ANKS1B: variants seen among roughly 807,000 people sequenced by gnomAD.
ANKS1B encodes the protein ankyrin repeat and sterile alpha motif domain containing 1B, also known as ankyrin repeat and sterile alpha motif domain-containing protein 1B.
Under a neutral mutation model 148.3 loss-of-function variants are expected in ANKS1B, and 36 were observed. That is an observed-to-expected ratio of 0.24 (90% CI 0.19 to 0.32). ANKS1B has a LOEUF of 0.32. Among genes scored for constraint, ANKS1B ranks in the 10% least tolerant of loss-of-function variants. The pLI, the probability that ANKS1B is intolerant of heterozygous loss-of-function variation, is 1.00. For synonymous variants in ANKS1B, 542 were observed against 560.8 expected (o/e 0.97, Z 0.47); for missense variants, 1,157 against 1,542.6 (o/e 0.75, Z 4.19).
At chr12:99,754,919 T>A (rs1232242525) in intron 8 of ANKS1B, among the ~76,000 whole-genome samples, 3 of 151,976 alleles carry the variant, frequency 2.0e-5, no homozygotes, top group Non-Finnish European at 4.4e-5. Context: ...GTTAACAACC[T>A]AACATCACAA....
intron 8 of ANKS1B, among the ~76,000 whole-genome samples, chr12:99,757,777 C>T (rs1601552005): frequency 6.6e-6 from 1 of 152,130 alleles, no homozygotes; most frequent in Middle Eastern, 3.4e-3. Context: ...AGAATGAGAT[C>T]ATGCCCTTTC....
intron 17 of ANKS1B, among the ~76,000 whole-genome samples, chr12:98,867,433 T>C (rs199815420): frequency 6.6e-6 from 1 of 152,202 alleles, no homozygotes. Context: ...GTAATGGTAA[T>C]ATCCTACAGA....
At chr12:98,824,582 C>CA (rs892317028) in intron 19 of ANKS1B, among the ~76,000 whole-genome samples, 2 of 152,210 alleles carry the variant, frequency 1.3e-5, no homozygotes, top group African/African-American at 2.4e-5. Context: ...ATTTTAAAGA[C>CA]AAAAAAATTG....
chr12:99,112,606 C>A (rs572112531), intron 15 of ANKS1B, among the ~76,000 whole-genome samples: 1 of 152,122 alleles, frequency 6.6e-6, no homozygotes, highest in South Asian at 2.1e-4. Flanking sequence ...TGTTATGTAT[C>A]AGGTACTGTA....
At chr12:99,931,948 T>C (rs936314475) in intron 1 of ANKS1B, among the ~76,000 whole-genome samples, 2 of 152,108 alleles carry the variant, frequency 1.3e-5, no homozygotes, top group African/African-American at 4.8e-5. Flanking sequence ...CTGGTAACCA[T>C]CATCCTACTC....
intron 12 of ANKS1B, among the ~76,000 whole-genome samples, chr12:99,253,932 G>C (rs1022485086): frequency 6.6e-6 from 1 of 152,086 alleles, no homozygotes; most frequent in Non-Finnish European, 1.5e-5. Flanking sequence ...AATTATATAG[G>C]AATATCAGAA....
intron 17 of ANKS1B, among the ~76,000 whole-genome samples, chr12:98,955,554 T>A (rs965836034): frequency 6.6e-6 from 1 of 152,146 alleles, no homozygotes; most frequent in Non-Finnish European, 1.5e-5. Context: ...CAGGAGATGG[T>A]GGTGGCTTAG....
At chr12:99,908,562 C>T (rs1178813998) in intron 1 of ANKS1B, among the ~76,000 whole-genome samples, 1 of 152,066 alleles carries the variant, frequency 6.6e-6, no homozygotes, top group Non-Finnish European at 1.5e-5. Context: ...GCCTGAGCGA[C>T]AGAAAGAAAC....
chr12:99,737,324 G>T (rs1241574669), intron 8 of ANKS1B, among the ~76,000 whole-genome samples: 2 of 152,062 alleles, frequency 1.3e-5, no homozygotes, highest in Admixed American at 1.3e-4. Flanking sequence ...AGAAAATGTG[G>T]TATATATACA....
At chr12:98,995,162 T>C (rs2099928768) in intron 17 of ANKS1B, among the ~76,000 whole-genome samples, 2 of 152,220 alleles carry the variant, frequency 1.3e-5, no homozygotes, top group Admixed American at 1.3e-4. Flanking sequence ...ACCTTTACTA[T>C]TTTGATAATG....
chr12:99,363,931 T>A (rs2092626094), intron 12 of ANKS1B, among the ~76,000 whole-genome samples: 1 of 152,266 alleles, frequency 6.6e-6, no homozygotes, highest in Non-Finnish European at 1.5e-5. Context: ...TGGAGGGGAC[T>A]TGTATATATA....
intron 8 of ANKS1B, among the ~76,000 whole-genome samples, chr12:99,722,186 C>T (rs912156092): frequency 5.3e-5 from 8 of 152,174 alleles, no homozygotes; most frequent in African/African-American, 1.9e-4. Flanking sequence ...CCAGAAGATC[C>T]AGCTAAATTG....
chr12:99,580,853 C>T (rs80123751), intron 9 of ANKS1B, among the ~76,000 whole-genome samples: 171 of 152,106 alleles, frequency 1.1e-3, no homozygotes, highest in African/African-American at 3.9e-3. Context: ...GCCACATGTA[C>T]CCCACAAATA....
At chr12:99,369,071 T>G (rs980800966) in intron 12 of ANKS1B, among the ~76,000 whole-genome samples, 2 of 152,150 alleles carry the variant, frequency 1.3e-5, no homozygotes, top group African/African-American at 4.8e-5. Flanking sequence ...ACAGTTTACT[T>G]GCTAATTGCA....
intron 20 of ANKS1B, among the ~76,000 whole-genome samples, chr12:98,806,065 T>C (rs2099048837): frequency 6.6e-6 from 1 of 152,174 alleles, no homozygotes; most frequent in African/African-American, 2.4e-5. Context: ...AGAAACAGGG[T>C]TTCACCATGT....
intron 11 of ANKS1B, among the ~76,000 whole-genome samples, chr12:99,439,255 T>G (rs1185707770): frequency 6.6e-6 from 1 of 151,696 alleles, no homozygotes. Context: ...ATTTACAACC[T>G]GGGACAAGTC....
At chr12:99,216,291 C>T (rs2153928877) in intron 14 of ANKS1B, among the ~76,000 whole-genome samples, 1 of 152,262 alleles carries the variant, frequency 6.6e-6, no homozygotes, top group South Asian at 2.1e-4. Flanking sequence ...TCAGGTATTT[C>T]TTCATAGCAG....
chr12:98,850,220 A>G (rs1253249917), intron 17 of ANKS1B, among the ~76,000 whole-genome samples: 1 of 152,220 alleles, frequency 6.6e-6, no homozygotes, highest in Non-Finnish European at 1.5e-5. Context: ...CTGAGGAAGT[A>G]AAAGAGCTTC....
intron 9 of ANKS1B, among the ~76,000 whole-genome samples, chr12:99,556,860 C>T (rs189009689): frequency 2.6e-4 from 40 of 152,058 alleles, no homozygotes; most frequent in Admixed American, 2.4e-3. Context: ...GTTTTCTGGC[C>T]GATTGTGTGG....
Sources: gnomAD v4.1 joint callset for allele counts (sites outside exome capture counted in the v4.1 genomes callset) on GRCh38, gnomAD v4.1.1 for gene constraint, MANE v1.5 for transcripts, NCBI Gene and HGNC (gene_info 2026-07-23, HGNC 2026-07-21) for gene names.